The following FGFR1 variants were observed in gnomAD, a reference collection of about 807,000 sequenced individuals.
FGFR1 encodes the protein fibroblast growth factor receptor 1, also known as FGFR1/PLAG1 fusion.
FGFR1 carries 18 observed loss-of-function variants against 93.7 expected under a neutral mutation model. The ratio of observed to expected loss-of-function variants is 0.19; its 90% CI spans 0.13 to 0.28. The LOEUF (loss-of-function observed/expected upper bound fraction) is 0.28, where lower values mean the gene tolerates loss of function less well. FGFR1 is among the 10% of genes least tolerant of loss of function. The pLI, the probability that FGFR1 is intolerant of heterozygous loss-of-function variation, is 1.00. For synonymous variants in FGFR1, 448 were observed against 429.3 expected (o/e 1.04, Z -0.54); for missense variants, 731 against 1,080.4 (o/e 0.68, Z 4.53).
At chr8:38,440,927 C>A (rs1389389066) in intron 2 of FGFR1, among the ~76,000 whole-genome samples, 2 of 152,182 alleles carry the variant, frequency 1.3e-5, no homozygotes, top group East Asian at 3.8e-4. Flanking sequence ...AGCCCAGGGG[C>A]TTGGGGCCCA....
At chr8:38,419,852 A>T in intron 8 of FGFR1, 117 bp from the exon 9 acceptor site, 1 of 828,420 alleles carries the variant, frequency 1.2e-6, no homozygotes, top group Non-Finnish European at 2.0e-6. Context: ...AGGGAGAAGA[A>T]CCATGGCAAG....
intron 2 of FGFR1, among the ~76,000 whole-genome samples, chr8:38,443,724 G>C (rs1405274740): frequency 1.3e-5 from 2 of 151,376 alleles, no homozygotes; most frequent in African/African-American, 4.9e-5. Flanking sequence ...AGTTAAAATG[G>C]TTAATTTTAT....
intron 2 of FGFR1, among the ~76,000 whole-genome samples, chr8:38,452,269 T>G (rs1445362671): frequency 6.6e-6 from 1 of 151,242 alleles, no homozygotes; most frequent in Non-Finnish European, 1.5e-5. Flanking sequence ...CAAGGCCTTT[T>G]AAATGGGGAA....
intron 2 of FGFR1, among the ~76,000 whole-genome samples, chr8:38,436,014 G>C (rs1252670572): frequency 6.6e-6 from 1 of 152,200 alleles, no homozygotes; most frequent in African/African-American, 2.4e-5. Flanking sequence ...GGATTCCCTG[G>C]TGACCTAGCC....
intron 10 of FGFR1, 101 bp downstream of exon 10, chr8:38,418,127 T>G (rs1195475880): frequency 2.5e-6 from 4 of 1,606,498 alleles, no homozygotes; most frequent in African/African-American, 1.3e-5. Flanking sequence ...AGGCATTTCA[T>G]GAACCTTCAC....
At chr8:38,428,678 G>T in intron 3 of FGFR1, 4 of 546,882 alleles carry the variant, frequency 7.3e-6, no homozygotes, top group South Asian at 6.1e-5. Flanking sequence ...GTTCCATCAG[G>T]GTCAGCTGTT....
chr8:38,449,353 G>C lies in FGFR1; in HGVS notation c.91+8003C>G, dbSNP rs1194024780. On this transcript the variant is annotated intron_variant, in intron 2 of 17. Coordinates refer to ENST00000447712, the MANE Select transcript of FGFR1 (RefSeq NM_023110.3). The stretch of plus-strand genomic sequence containing the variant: ...GTATACATTGTATTTACGGAAAAAG[G>C]AAGAGACTTGCTTGACTAGATGAAT... Among the ~76,000 whole-genome samples the C allele has an allele frequency of 2.6e-5, 4 of 152,060 alleles. No homozygotes were observed. The East Asian group carries it at 7.7e-4, about 29-fold the overall frequency.
intron 2 of FGFR1, among the ~76,000 whole-genome samples, chr8:38,432,992 T>C (rs547014968): frequency 6.9e-6 from 1 of 145,790 alleles, no homozygotes; most frequent in East Asian, 2.2e-4. Context: ...CTGAGGACTG[T>C]CAGCGCCACT....
intron 1 of FGFR1, among the ~76,000 whole-genome samples, chr8:38,464,910 C>T (rs964702624): frequency 6.6e-5 from 10 of 152,202 alleles, no homozygotes; most frequent in Admixed American, 2.0e-4. Flanking sequence ...TGCTAAACCC[C>T]CAAGTTCATA....
intron 11 of FGFR1, 61 bp from the exon 12 acceptor site, chr8:38,417,477 A>C (rs1383085195): frequency 1.1e-5 from 15 of 1,401,146 alleles, no homozygotes; most frequent in Non-Finnish European, 1.4e-5. Context: ...ATAAAGGCTA[A>C]GGGAGTGGGG....
chr8:38,465,172 TTTGCTTCCC>T (rs1172768191), intron 1 of FGFR1, among the ~76,000 whole-genome samples: 3 of 152,202 alleles, frequency 2.0e-5, no homozygotes, highest in African/African-American at 7.2e-5. Flanking sequence ...TTCCTGAGCC[TTTGCTTCCC>T]TTGCTATCAA....
chr8:38,430,973 G>A (rs1160443047), intron 2 of FGFR1, among the ~76,000 whole-genome samples: 1 of 152,144 alleles, frequency 6.6e-6, no homozygotes, highest in African/African-American at 2.4e-5. Context: ...CTGCACTCAC[G>A]AGGGGAAATG....
Position 38,427,977 on chromosome 8 carries a change from G to A in FGFR1, c.565C>T (p.Arg189Cys), listed in dbSNP as rs863223331. 6.2e-7 allele frequency: 1 copy of A among 1,614,222 alleles called. No individual in the cohort carries two copies. The change falls in exon 5 of 18, where the codon CGC becomes TGC. Residue 189 changes from arginine (R) to cysteine (C), a missense_variant. This residue lies in a region of FGFR1 where 109 missense variants were observed against 249.4 expected (regional missense o/e 0.44). Coordinates refer to ENST00000447712, the MANE Select transcript of FGFR1 (RefSeq NM_023110.3). Reference protein sequence around the residue: ...PSSGTPNPTLRWLKNGKEFKP... With the variant: ...PSSGTPNPTLCWLKNGKEFKP... ...AATTCTTTGCCATTTTTCAACCAGC[G>A]CAGTGTGGGGTTTGGGGTCCCACTG...
intron 15 of FGFR1, 40 bp downstream of exon 15, chr8:38,414,519 C>T (rs2150546723): frequency 4.3e-6 from 7 of 1,609,782 alleles, no homozygotes; most frequent in Non-Finnish European, 6.0e-6. Context: ...TAGAAGCTCT[C>T]TATCCCACAC....
At chr8:38,440,225 C>G in intron 2 of FGFR1, 1 of 1,254,840 alleles carries the variant, frequency 8.0e-7, no homozygotes, top group South Asian at 1.3e-5. Context: ...GAGCACAGAA[C>G]AGCGCAGCGG....
At chr8:38,448,928 C>A (rs1278543638) in intron 2 of FGFR1, among the ~76,000 whole-genome samples, 1 of 152,078 alleles carries the variant, frequency 6.6e-6, no homozygotes, top group African/African-American at 2.4e-5. Flanking sequence ...GCACTCCAGC[C>A]TGGATGACTA....
At chr8:38,450,514 T>A (rs1333846600) in intron 2 of FGFR1, among the ~76,000 whole-genome samples, 6 of 152,040 alleles carry the variant, frequency 3.9e-5, no homozygotes, top group Non-Finnish European at 7.4e-5. Flanking sequence ...CCAGGGCCAT[T>A]CATCACCGCC....
Position 38,412,134 on chromosome 8 carries a change from C to T in FGFR1, c.*1494G>A, listed in dbSNP as rs557549100. On this transcript the variant is annotated 3_prime_UTR_variant, in exon 18 of 18. Transcript: ENST00000447712. Reference sequence around the variant, plus strand: ...ATGGCGCAATCTCGGCTCACTGCAACCTCCGCCTCCCAGCTTCAAGGGATT... The same window carrying T: ...ATGGCGCAATCTCGGCTCACTGCAATCTCCGCCTCCCAGCTTCAAGGGATT... The T allele has an allele frequency of 1.5e-5, 3 of 206,652 alleles. No homozygotes were observed. The highest frequency in any genetic ancestry group is 1.6e-3 in the Middle Eastern group (1 of 642). The allele number at this position is 206,652 out of a possible 1,614,324, so 12.8% of individuals were successfully genotyped here.
At position 38,419,791 on chromosome 8, in the gene FGFR1, T is replaced by A. The variant is rs1818062287; in HGVS notation, c.1082-56A>T. 2.7e-6 allele frequency: 4 copies of A among 1,488,230 alleles called. 1 individual carries two copies. In the Middle Eastern group the frequency reaches 6.3e-4, roughly 234 times the overall value. 92.2% of individuals were successfully genotyped at this position (1,488,230 alleles called of 1,614,324 possible). On this transcript the variant is annotated intron_variant, in intron 8 of 17. Transcript: ENST00000447712. Reference sequence around the variant, plus strand: ...CTTGGAGGGCCCCGTCCATGCGAGGTCCCGCTCCATTAGAAAAGCAACACC... The same window carrying A: ...CTTGGAGGGCCCCGTCCATGCGAGGACCCGCTCCATTAGAAAAGCAACACC...
Sources: gnomAD v4.1 joint callset for allele counts (sites outside exome capture counted in the v4.1 genomes callset) on GRCh38, gnomAD v4.1.1 for gene constraint, gnomAD v4.1.1 regional missense constraint, MANE v1.5 for transcripts, NCBI Gene and HGNC (gene_info 2026-07-23, HGNC 2026-07-21) for gene names.